Variants in FOXP2 observed in about 807,000 individuals in gnomAD.
FOXP2 encodes the protein forkhead box P2.
A neutral mutation model predicts 115.8 loss-of-function variants in FOXP2; 12 were observed. That is an observed-to-expected ratio of 0.10 (90% confidence interval 0.07 to 0.17). FOXP2 has a LOEUF of 0.17. Ranked by LOEUF, FOXP2 falls within the 10% of genes least tolerant of loss-of-function variation. The pLI, the probability that FOXP2 is intolerant of heterozygous loss-of-function variation, is 1.00. For synonymous variants in FOXP2, 328 were observed against 297.7 expected (o/e 1.10, Z -1.05); for missense variants, 629 against 843.5 (o/e 0.75, Z 3.15).
chr7:114,609,611 T>A (rs1803523757), intron 3 of FOXP2, among the ~76,000 whole-genome samples: 1 of 152,228 alleles, frequency 6.6e-6, no homozygotes, highest in Non-Finnish European at 1.5e-5. Flanking sequence ...TAACTTTGGA[T>A]CAGCTTCCAA....
Position 114,593,158 on chromosome 7 carries a change from C to G in FOXP2, c.259-35382C>G, listed in dbSNP as rs569478862. ...TACTCTGTGGTTTTAGATTAAGTAA[C>G]TTCAGACTTTTTTTCAAGAAATTTT... On this transcript the variant is annotated intron_variant, in intron 3 of 16. Coordinates refer to ENST00000350908, the MANE Select transcript of FOXP2 (RefSeq NM_014491.4). Among the ~76,000 whole-genome samples, 243 of 151,718 alleles carry G rather than the reference C, an allele frequency of 1.6e-3. 1 individual carries two copies. The highest frequency in any genetic ancestry group is 0.014 in the Middle Eastern group (4 of 294).
At chr7:114,529,321 G>A (rs1799026590) in intron 2 of FOXP2, among the ~76,000 whole-genome samples, 1 of 151,812 alleles carries the variant, frequency 6.6e-6, no homozygotes, top group African/African-American at 2.4e-5. Context: ...ATTGGGTTTG[G>A]ACTTGAACCT....
At chr7:114,192,438 T>C (rs1793786082) in intron 1 of FOXP2, among the ~76,000 whole-genome samples, 1 of 152,238 alleles carries the variant, frequency 6.6e-6, no homozygotes, top group Admixed American at 6.5e-5. Context: ...AAAGCTGCTA[T>C]AAATGTCTCA....
At chr7:114,611,076 T>C (rs987468450) in intron 3 of FOXP2, among the ~76,000 whole-genome samples, 1 of 152,256 alleles carries the variant, frequency 6.6e-6, no homozygotes, top group African/African-American at 2.4e-5. Flanking sequence ...TGTGTATCTA[T>C]AGTAAGTTAT....
chr7:114,284,594 C>T (rs556598590), intron 1 of FOXP2, among the ~76,000 whole-genome samples: 22 of 152,192 alleles, frequency 1.4e-4, no homozygotes, highest in Non-Finnish European at 2.8e-4. Context: ...AAAAGGAATG[C>T]TTATACGTTG....
intron 2 of FOXP2, among the ~76,000 whole-genome samples, chr7:114,344,570 T>C (rs1562879668): frequency 6.6e-6 from 1 of 151,842 alleles, no homozygotes; most frequent in Non-Finnish European, 1.5e-5. Flanking sequence ...GCCTGAGACA[T>C]AAAGATTTTA....
chr7:114,114,408 C>T (rs1008213634), intron 1 of FOXP2, among the ~76,000 whole-genome samples: 16 of 151,910 alleles, frequency 1.1e-4, no homozygotes, highest in African/African-American at 1.7e-4. Context: ...TCCTTGACCA[C>T]GTTCCAGCAA....
intron 1 of FOXP2, among the ~76,000 whole-genome samples, chr7:114,229,773 A>T (rs994002046): frequency 6.6e-6 from 1 of 151,614 alleles, no homozygotes; most frequent in Admixed American, 6.6e-5. Context: ...TATAGCAATT[A>T]ACACCTACAT....
At chr7:114,659,519 G>C in intron 12 of FOXP2, 53 bp from the exon 13 acceptor site, 1 of 1,576,058 alleles carries the variant, frequency 6.3e-7, no homozygotes, top group Middle Eastern at 1.7e-4. Context: ...GTGTCATCTA[G>C]TCTAGTTAGT....
chr7:114,540,907 A>C (rs1239737777), intron 3 of FOXP2, among the ~76,000 whole-genome samples: 2 of 152,090 alleles, frequency 1.3e-5, no homozygotes, highest in South Asian at 2.1e-4. Context: ...ATTGTATAGA[A>C]CTTAAAATGT....
chr7:114,579,809 T>C (rs1179802017), intron 3 of FOXP2, among the ~76,000 whole-genome samples: 1 of 152,224 alleles, frequency 6.6e-6, no homozygotes, highest in African/African-American at 2.4e-5. Context: ...GGATAACTCA[T>C]GTTGCTAAGC....
intron 1 of FOXP2, among the ~76,000 whole-genome samples, chr7:114,133,268 G>A (rs1331061804): frequency 1.3e-5 from 2 of 152,168 alleles, no homozygotes; most frequent in Non-Finnish European, 2.9e-5. Context: ...AGACCATAGA[G>A]AGAACAGGTT....
At chr7:114,195,264 G>T (rs2129158334) in intron 1 of FOXP2, among the ~76,000 whole-genome samples, 1 of 152,256 alleles carries the variant, frequency 6.6e-6, no homozygotes, top group East Asian at 1.9e-4. Context: ...AAGAACTAGT[G>T]ACTTGCCACA....
chr7:114,362,722 T>C (rs1412838505), intron 2 of FOXP2, among the ~76,000 whole-genome samples: 1 of 152,068 alleles, frequency 6.6e-6, no homozygotes, highest in East Asian at 1.9e-4. Flanking sequence ...AGTAAGCATA[T>C]GCTATAAAAA....
At position 114,676,385 on chromosome 7, in the gene FOXP2, G is replaced by A. The variant is rs79977308; in HGVS notation, c.2003+11949G>A. Among the ~76,000 whole-genome samples, 1,169 of 152,194 alleles carry A rather than the reference G, an allele frequency of 7.7e-3. 12 individuals are homozygous for A. Among genetic ancestry groups the A allele is most frequent in the African/African-American group, 0.026 (1,099 of 41,534 alleles). ...TAGATGCATAGTTCAAGGCCTACAC[G>A]TATTTCAGTATATTTAATATGTTTC... On this transcript the variant is annotated intron_variant, in intron 16 of 16. Transcript: ENST00000350908.
chr7:114,180,654 A>G (rs897954766), intron 1 of FOXP2, among the ~76,000 whole-genome samples: 2 of 152,020 alleles, frequency 1.3e-5, no homozygotes, highest in Non-Finnish European at 2.9e-5. Context: ...AATAACAGGC[A>G]TGATTATACA....
chr7:114,182,599 A>G (rs1419105375), intron 1 of FOXP2, among the ~76,000 whole-genome samples: 1 of 151,798 alleles, frequency 6.6e-6, no homozygotes, highest in Admixed American at 6.6e-5. Flanking sequence ...TTGAATATAA[A>G]CAACTATTGT....
At chr7:114,477,478 CTG>C (rs1224528909) in intron 2 of FOXP2, among the ~76,000 whole-genome samples, 1 of 151,832 alleles carries the variant, frequency 6.6e-6, no homozygotes, top group Non-Finnish European at 1.5e-5. Context: ...CATACAGACA[CTG>C]GGGACTACTA....
intron 1 of FOXP2, among the ~76,000 whole-genome samples, chr7:114,215,794 T>C (rs750152007): frequency 2.6e-5 from 4 of 152,138 alleles, no homozygotes; most frequent in Non-Finnish European, 5.9e-5. Flanking sequence ...CTACCCCCAC[T>C]TTATCAGACC....
Sources: gnomAD v4.1 joint callset for allele counts (sites outside exome capture counted in the v4.1 genomes callset) on GRCh38, gnomAD v4.1.1 for gene constraint, MANE v1.5 for transcripts, NCBI Gene and HGNC (gene_info 2026-07-23, HGNC 2026-07-21) for gene names.